Variants in LARP4B observed in about 807,000 individuals in gnomAD.
LARP4B encodes the protein La ribonucleoprotein 4B.
In LARP4B, 12 loss-of-function variants were observed where a neutral mutation model predicts 89.8. The ratio of observed to expected loss-of-function variants is 0.13; its 90% CI spans 0.09 to 0.22. LARP4B has a LOEUF of 0.22. LARP4B is among the 10% of genes least tolerant of loss of function. LARP4B has a pLI of 1.00. For missense variants in LARP4B, 757 were observed against 947.7 expected (o/e 0.80, Z 2.64); for synonymous variants, 367 against 363.3 (o/e 1.01, Z -0.12).
At chr10:975,914 G>A in the LARP4B span, among the ~76,000 whole-genome samples, 559 of 150,128 alleles carry the variant, frequency 3.7e-3, no homozygotes, top group Non-Finnish European at 6.3e-3. Flanking sequence ...GTCGTGCAAC[G>A]TGTGGACCCG....
intron 5 of LARP4B, 66 bp downstream of exon 5, chr10:863,677 T>C: frequency 6.7e-7 from 1 of 1,482,360 alleles, no homozygotes; most frequent in Non-Finnish European, 9.1e-7. Context: ...GTTAATACTC[T>C]AAATAAAAAA....
At chr10:971,993 C>T in the LARP4B span, 1 of 151,042 alleles carries the variant, frequency 6.6e-6, no homozygotes. Flanking sequence ...GGAGGTGGCT[C>T]CTGATAAGTT....
the LARP4B span, among the ~76,000 whole-genome samples, chr10:941,858 C>T: frequency 6.6e-6 from 1 of 152,106 alleles, no homozygotes; most frequent in Non-Finnish European, 1.5e-5. Flanking sequence ...TCCCTGCAGC[C>T]TCTAACTCCT....
chr10:920,846 A>C (rs1420918171), intron 1 of LARP4B, among the ~76,000 whole-genome samples: 3 of 152,220 alleles, frequency 2.0e-5, no homozygotes, highest in Non-Finnish European at 4.4e-5. Flanking sequence ...GGAACTGATA[A>C]AAAGAAAACA....
the LARP4B span, among the ~76,000 whole-genome samples, chr10:949,698 T>C: frequency 1.3e-5 from 2 of 152,244 alleles, no homozygotes; most frequent in African/African-American, 2.4e-5. Flanking sequence ...GGGCCCACTA[T>C]GTTCGGTGTC....
rs1423141832 is a variant in LARP4B, at chr10:830,873, T to C, written c.855A>G (p.Ala285=). 2.3e-6 allele frequency: 3 copies of C among 1,324,606 alleles called. No individual in the cohort carries two copies. Among genetic ancestry groups the C allele is most frequent in the Non-Finnish European group, 3.3e-6 (3 of 922,122 alleles). 82.1% of individuals were successfully genotyped at this position (1,324,606 alleles called of 1,614,324 possible). ...GATGGTGGAAAGAACTTACCTGTTGTGCATCAGCTTCTGTTTCAAATGTAA... is the reference window on the plus strand; with the variant it reads ...GATGGTGGAAAGAACTTACCTGTTGCGCATCAGCTTCTGTTTCAAATGTAA... ...WFITFETEAD[A]QQAYKYLREE... The change falls in exon 9 of 18, where the codon GCA becomes GCG. Residue 285 remains alanine (A), a synonymous_variant. Coordinates refer to ENST00000316157, the MANE Select transcript of LARP4B (RefSeq NM_015155.3).
rs371846156 is a variant in LARP4B, at chr10:815,012, G to C, written c.1754C>G (p.Ser585Trp). Residue 585 changes from serine (S) to tryptophan (W), a missense_variant, in exon 16 of 18, where the codon TCG becomes TGG. Physicochemically the swap from Ser to Trp is radical, Grantham distance 177. Transcript: ENST00000316157. Reference sequence around the variant, plus strand: ...TGATACAGCACAAGAAGCCGGCACCGAGGGCTCTCTGGAGACCACTACAGG... The same window carrying C: ...TGATACAGCACAAGAAGCCGGCACCCAGGGCTCTCTGGAGACCACTACAGG... ...TLPVVVSREP[S>W]VPASCAVSAT... 3 of 1,609,258 alleles carry C rather than the reference G, an allele frequency of 1.9e-6. No individual in the cohort carries two copies. Among genetic ancestry groups the C allele is most frequent in the Non-Finnish European group, 2.5e-6 (3 of 1,177,082 alleles).
intron 1 of LARP4B, among the ~76,000 whole-genome samples, chr10:896,988 ATTTTT>A (rs58205872): frequency 2.2e-5 from 3 of 137,440 alleles, no homozygotes; most frequent in African/African-American, 2.7e-5. Context: ...TTGTGGGAGA[ATTTTT>A]TTTTTTTTTT....
At chr10:958,704 G>T in the LARP4B span, among the ~76,000 whole-genome samples, 1 of 152,182 alleles carries the variant, frequency 6.6e-6, no homozygotes, top group East Asian at 1.9e-4. Flanking sequence ...CCGTTTAGCC[G>T]CTTTCTCTGC....
chr10:864,460 T>C (rs1311129291), intron 3 of LARP4B, among the ~76,000 whole-genome samples, 190 bp from the exon 4 acceptor site: 2 of 150,564 alleles, frequency 1.3e-5, no homozygotes, highest in East Asian at 3.9e-4. Flanking sequence ...TCCATTAAAT[T>C]CCCCCCAAGT....
the LARP4B span, among the ~76,000 whole-genome samples, chr10:941,170 C>T: frequency 6.6e-6 from 1 of 152,186 alleles, no homozygotes; most frequent in East Asian, 1.9e-4. Flanking sequence ...CCACTCCCAC[C>T]TGTGGGTGCT....
chr10:944,137 T>G, the LARP4B span, among the ~76,000 whole-genome samples: 2 of 152,196 alleles, frequency 1.3e-5, no homozygotes, highest in Admixed American at 6.5e-5. Flanking sequence ...GCTGCATAAA[T>G]TATTTACATA....
chr10:829,621 T>C lies in LARP4B; in HGVS notation c.916-27A>G, dbSNP rs1266912150. On this transcript the variant is annotated intron_variant, in intron 10 of 17. Coordinates refer to ENST00000316157, the MANE Select transcript of LARP4B (RefSeq NM_015155.3). ...TGTTTGAAAATATGTAAGTTTCTATTAGAATACTTAAGAACATCAATTTGC... is the reference window on the plus strand; with the variant it reads ...TGTTTGAAAATATGTAAGTTTCTATCAGAATACTTAAGAACATCAATTTGC... 6 of 1,609,664 alleles carry C rather than the reference T, an allele frequency of 3.7e-6. No homozygotes were observed. In the African/African-American group the frequency reaches 6.7e-5, roughly 18 times the overall value.
chr10:980,778 C>A, the LARP4B span, among the ~76,000 whole-genome samples: 3 of 152,322 alleles, frequency 2.0e-5, no homozygotes, highest in Admixed American at 6.5e-5. Flanking sequence ...TGCCTTCAAG[C>A]CTTTTTCCCC....
chr10:927,487 AT>A (rs150999461), intron 1 of LARP4B, among the ~76,000 whole-genome samples: 12,601 of 152,274 alleles, frequency 0.083, 681 homozygotes, highest in Middle Eastern at 0.14. Context: ...AAAGGAATTC[AT>A]TTTCCAATCA....
chr10:899,319 G>T (rs1054350800), intron 1 of LARP4B, among the ~76,000 whole-genome samples: 1 of 152,028 alleles, frequency 6.6e-6, no homozygotes, highest in African/African-American at 2.4e-5. Context: ...GTGCTGTATG[G>T]GAGCCAAATA....
chr10:814,992 C>T lies in LARP4B; in HGVS notation c.1774G>A (p.Val592Ile). Residue 592 changes from valine (V) to isoleucine (I), a missense_variant, in exon 16 of 18, where the codon GTA becomes ATA. Transcript: ENST00000316157. The surrounding 1 kb of genome is among the most constrained non-coding windows in gnomAD (Gnocchi z 4.4). Reference protein sequence around the residue: ...REPSVPASCAVSATYERSPSP... With the variant: ...REPSVPASCAISATYERSPSP... The stretch of plus-strand genomic sequence containing the variant: ...GGGGATCGCTCGTACGTTGCTGATA[C>T]AGCACAAGAAGCCGGCACCGAGGGC... 2 of 1,609,184 alleles carry T rather than the reference C, an allele frequency of 1.2e-6. No homozygotes were observed. The highest frequency in any genetic ancestry group is 1.3e-5 in the African/African-American group (1 of 74,916).
intron 1 of LARP4B, among the ~76,000 whole-genome samples, chr10:909,120 C>T (rs1355642084): frequency 2.0e-5 from 3 of 151,908 alleles, no homozygotes; most frequent in African/African-American, 2.4e-5. Flanking sequence ...CGGTGAAACC[C>T]CGTCTCTACT....
At chr10:899,162 T>G (rs1306793268) in intron 1 of LARP4B, among the ~76,000 whole-genome samples, 1 of 152,332 alleles carries the variant, frequency 6.6e-6, no homozygotes, top group Admixed American at 6.5e-5. Context: ...AAACAGTGAT[T>G]TGATTCAATG....
Sources: gnomAD v4.1 joint callset for allele counts (sites outside exome capture counted in the v4.1 genomes callset) on GRCh38, gnomAD v4.1.1 for gene constraint, Gnocchi (gnomAD v3.1) non-coding constraint, MANE v1.5 for transcripts, NCBI Gene and HGNC (gene_info 2026-07-23, HGNC 2026-07-21) for gene names.